Variants in HSPG2 observed in about 807,000 individuals in gnomAD.
The protein encoded by HSPG2 is heparan sulfate proteoglycan 2.
In HSPG2, 278 loss-of-function variants were observed where a neutral mutation model predicts 526.6. That is an observed-to-expected ratio of 0.53 (90% confidence interval 0.48 to 0.58). The LOEUF is 0.58. Ranked by LOEUF, HSPG2 falls within the 20% of genes least tolerant of loss-of-function variation. The pLI is 0.00. For missense variants in HSPG2, 5,354 were observed against 6,099.5 expected, an observed-to-expected ratio of 0.88 and a Z score of 4.07; for synonymous variants, 2,465 against 2,555.4, an observed-to-expected ratio of 0.96 and a Z score of 1.07.
rs756613140 is a variant in HSPG2 at position 21,848,724 on chromosome 1, G to C, written c.7656C>G (p.Asp2552Glu). The change falls in exon 59 of 97, where the codon GAC (aspartate) becomes GAG (glutamate). Residue 2552 changes from aspartate (D) to glutamate (E), a missense_variant. By Grantham distance (45) the Asp-to-Glu change is conservative (BLOSUM62 2). Transcript: ENST00000374695. The surrounding 1 kb of genome is among the most constrained non-coding windows in gnomAD (Gnocchi z 4.9). Reference protein sequence around the residue: ...SASLANGHTLDLNCLVASQAP... With the variant: ...SASLANGHTLELNCLVASQAP... Reference sequence around the variant, plus strand: ...CCTGGCTGGCAACCAGGCAGTTGAGGTCCAGGGTGTGTCCATTGGCCAGGG... The same window carrying C: ...CCTGGCTGGCAACCAGGCAGTTGAGCTCCAGGGTGTGTCCATTGGCCAGGG... 1.2e-6 allele frequency: 2 copies of C among 1,613,966 alleles called. No individual in the cohort carries two copies. The highest frequency in any genetic ancestry group is 2.2e-5 in the South Asian group (2 of 91,076).
At position 21,828,086 on chromosome 1, in the gene HSPG2, C is replaced by A; in HGVS notation, c.12476G>T (p.Cys4159Phe). 6.2e-7 allele frequency: 1 copy of A among 1,613,028 alleles called. No homozygotes were observed. Among genetic ancestry groups the A allele is most frequent in the Non-Finnish European group, 8.5e-7 (1 of 1,179,868 alleles). Reference sequence around the variant, plus strand: ...GAGGCAGAGGCAGCGGGTGCCCTGGCAGGTGCCCCCATGCAGACAGGGTTC... The same window carrying A: ...GAGGCAGAGGCAGCGGGTGCCCTGGAAGGTGCCCCCATGCAGACAGGGTTC... The part of the protein sequence containing the change: ...LREPCLHGGT[C>F]QGTRCLCLPG... Residue 4159 changes from cysteine to phenylalanine, a missense_variant, in exon 90 of 97, where the codon TGC becomes TTC. Coordinates refer to ENST00000374695, the MANE Select transcript of HSPG2 (RefSeq NM_005529.7). The surrounding 1 kb of genome is among the most constrained non-coding windows in gnomAD (Gnocchi z 6.0).
chr1:21,849,965 A>G, intron 57 of HSPG2, 76 bp downstream of exon 57: 1 of 1,579,954 alleles, frequency 6.3e-7, no homozygotes, highest in Non-Finnish European at 8.7e-7. Context: ...GGCGTGAGCC[A>G]CTGCGCCCGG....
chr1:21,845,998 G>T, intron 64 of HSPG2, 110 bp downstream of exon 64: 2 of 1,314,760 alleles, frequency 1.5e-6, no homozygotes, highest in African/African-American at 1.4e-5. Flanking sequence ...GAATCAGAGC[G>T]GCAGTTCTCG....
chr1:21,889,551 C>T (rs926652792), intron 6 of HSPG2, among the ~76,000 whole-genome samples: 4 of 152,146 alleles, frequency 2.6e-5, no homozygotes, highest in Admixed American at 1.3e-4. Context: ...ATTTTCCTTT[C>T]TGGGCCTCAG....
At chr1:21,829,179 C>G in intron 87 of HSPG2, 100 bp from the exon 88 acceptor site, 1 of 1,469,042 alleles carries the variant, frequency 6.8e-7, no homozygotes, top group Non-Finnish European at 9.1e-7. Flanking sequence ...GAATGCCCTA[C>G]AGCCTTCTGT....
At position 21,874,735 on chromosome 1, in the gene HSPG2, G is replaced by A; in HGVS notation, c.3415-6C>T. 1.9e-6 allele frequency: 3 copies of A among 1,594,328 alleles called. No individual in the cohort carries two copies. Among genetic ancestry groups the A allele is most frequent in the Non-Finnish European group, 2.6e-6 (3 of 1,169,702 alleles). On this transcript the variant is annotated splice_region_variant and splice_polypyrimidine_tract_variant and intron_variant, in intron 26 of 96. Coordinates refer to ENST00000374695, the MANE Select transcript of HSPG2 (RefSeq NM_005529.7). The stretch of plus-strand genomic sequence containing the variant: ...GTGTAGCCTGTGTCACAGTCCTGGG[G>A]GCAGAAAGATGGCAGTGGGAGGGAC...
rs938068344 is a variant in HSPG2, at chr1:21,865,791, T to G, written c.4240A>C (p.Lys1414Gln). Residue 1414 changes from lysine (K) to glutamine (Q), a missense_variant, in exon 34 of 97, where the codon AAG becomes CAG. Transcript: ENST00000374695. The surrounding 1 kb of genome is among the most constrained non-coding windows in gnomAD (Gnocchi z 5.4). ...QGDKVAAYGG[K>Q]LRYTLSYTAG... ...GTGTAGGAGAGGGTGTATCGCAACT[T>G]CCCACCGTAGGCCGCCACCTGCAAA... 3 of 1,613,446 alleles carry G rather than the reference T, an allele frequency of 1.9e-6. No homozygotes were observed. Among genetic ancestry groups the G allele is most frequent in the Non-Finnish European group, 2.5e-6 (3 of 1,179,940 alleles).
In HSPG2 at chr1:21,890,262, G is replaced by T. The variant is rs550303867; in HGVS notation, c.414-121C>A. The stretch of plus-strand genomic sequence containing the variant: ...CGGGACAGCCTGTACCCAAAGAAGG[G>T]CAACTAAAGGTCCCAATGATCCCCC... On this transcript the variant is annotated intron_variant, in intron 5 of 96. Transcript: ENST00000374695. The surrounding 1 kb of genome is among the most constrained non-coding windows in gnomAD (Gnocchi z 4.1). 1 of 1,340,078 alleles carries T rather than the reference G, an allele frequency of 7.5e-7. No individual in the cohort carries two copies. 83.0% of individuals were successfully genotyped at this position (1,340,078 alleles called of 1,614,324 possible).
At chr1:21,916,453 C>T (rs866016543) in intron 1 of HSPG2, among the ~76,000 whole-genome samples, 4 of 151,846 alleles carry the variant, frequency 2.6e-5, no homozygotes, top group Non-Finnish European at 5.9e-5. Context: ...CGCGGTGAAC[C>T]GAGATTGTGT....
At chr1:21,833,063 A>T in intron 80 of HSPG2, 1 of 637,114 alleles carries the variant, frequency 1.6e-6, no homozygotes, top group African/African-American at 1.8e-5. Context: ...TGGAGATATC[A>T]CAGAGGCAGG....
At chr1:21,896,334 G>T in intron 1 of HSPG2, 24 bp from the exon 2 acceptor site, 1 of 1,610,098 alleles carries the variant, frequency 6.2e-7, no homozygotes. Context: ...AGAGCTGATT[G>T]AGTCACTCTC....
chr1:21,829,033 C>T lies in HSPG2; in HGVS notation c.12039G>A (p.Trp4013Ter). The T allele has an allele frequency of 6.4e-7, 1 of 1,550,640 alleles. No individual in the cohort carries two copies. Among genetic ancestry groups the T allele is most frequent in the Non-Finnish European group, 8.7e-7 (1 of 1,148,290 alleles). The change falls in exon 88 of 97, where the codon TGG becomes TGA. Residue 4013 changes from tryptophan (W) to a stop codon, truncating the protein, a stop_gained. Transcript: ENST00000374695. LOFTEE classifies it high-confidence loss of function. ...TGAGACGCTCTGCAGACACACGGTG[C>T]CAGCGGCCCAGGGCCAGCGGCTCGG... The part of the protein sequence containing the change: ...RSAEPLALGR[W>*]HRVSAERLNK...
intron 62 of HSPG2, among the ~76,000 whole-genome samples, chr1:21,846,829 G>A (rs1638474027): frequency 6.6e-6 from 1 of 152,096 alleles, no homozygotes; most frequent in African/African-American, 2.4e-5. Context: ...GTGAAATCCT[G>A]TCTCTACTAA....
At chr1:21,914,997 G>A (rs1643852565) in intron 1 of HSPG2, among the ~76,000 whole-genome samples, 1 of 152,166 alleles carries the variant, frequency 6.6e-6, no homozygotes, top group Non-Finnish European at 1.5e-5. Context: ...GGTGTCAGAC[G>A]TCCCTCACCC....
chr1:21,839,541 G>A lies in HSPG2; in HGVS notation c.9719C>T (p.Ala3240Val), dbSNP rs62642505. ...CAGCTTGGACCAGTGGATGGTGGGC[G>A]CGGGGCTGCCTGTGGAGTCGAGTGG... Reference protein sequence around the residue: ...TLRCSATGSPAPTIHWSKLRS... With the variant: ...TLRCSATGSPVPTIHWSKLRS... Residue 3240 changes from alanine (A) to valine (V), a missense_variant, in exon 73 of 97, where the codon GCG (alanine) becomes GTG (valine). Coordinates refer to ENST00000374695, the MANE Select transcript of HSPG2 (RefSeq NM_005529.7). The surrounding 1 kb of genome is among the most constrained non-coding windows in gnomAD (Gnocchi z 4.5). 1.6e-3 allele frequency: 2,616 copies of A among 1,613,826 alleles called. 34 individuals are homozygous for A. In the African/African-American group the frequency reaches 0.026, roughly 16 times the overall value.
chr1:21,919,106 G>C (rs1447053560), intron 1 of HSPG2, among the ~76,000 whole-genome samples: 2 of 152,356 alleles, frequency 1.3e-5, no homozygotes, highest in East Asian at 3.9e-4. Context: ...GAGCCTGCAG[G>C]TGAATGGAAA....
intron 37 of HSPG2, among the ~76,000 whole-genome samples, chr1:21,863,077 A>AAAACAAAAAAAAC (rs1416016126): frequency 7.0e-6 from 1 of 142,438 alleles, no homozygotes; most frequent in South Asian, 2.3e-4. Flanking sequence ...AAAAAAAAAA[A>AAAACAAAAAAAAC]AAAAAAAAAA....
chr1:21,852,652 AG>A, intron 52 of HSPG2, 47 bp downstream of exon 52: 1 of 1,611,460 alleles, frequency 6.2e-7, no homozygotes, highest in Non-Finnish European at 8.5e-7. Flanking sequence ...ACCACCCCGG[AG>A]GCCTCTCTGC....
rs1172091230 is a variant in HSPG2, at chr1:21,865,320, G to A, written c.4360C>T (p.Pro1454Ser). The A allele has an allele frequency of 6.2e-7, 1 of 1,613,990 alleles. No homozygotes were observed. The highest frequency in any genetic ancestry group is 8.5e-7 in the Non-Finnish European group (1 of 1,179,988). ...ATGATCTCGTAGCTCCTCCTCTCAG[G>A]GCCCTGCAGCGCTGGCTGGGAGGCC... ...LVASQPALQG[P>S]ERRSYEIMFR... is the part of the protein sequence containing the mutation. The change falls in exon 35 of 97, where the codon CCT becomes TCT. Residue 1454 changes from proline to serine, a missense_variant. Pro to Ser is a moderately conservative substitution (Grantham distance 74). Transcript: ENST00000374695. The surrounding 1 kb of genome is among the most constrained non-coding windows in gnomAD (Gnocchi z 5.4).
Sources: allele counts gnomAD v4.1 joint callset (sites outside exome capture counted in the v4.1 genomes callset), GRCh38; gene constraint gnomAD v4.1.1; non-coding constraint Gnocchi (gnomAD v3.1); transcripts MANE v1.5; gene names NCBI Gene and HGNC (gene_info 2026-07-23, HGNC 2026-07-21).